UNC5D: variants seen among roughly 807,000 people sequenced by gnomAD.
The protein encoded by UNC5D is netrin receptor UNC5D.
A neutral mutation model predicts 105.4 loss-of-function variants in UNC5D; 39 were observed. The ratio of observed to expected loss-of-function variants is 0.37; its 90% CI spans 0.29 to 0.48. UNC5D has a LOEUF of 0.48. UNC5D is among the 20% of genes least tolerant of loss of function. UNC5D has a pLI of 0.98. For missense variants in UNC5D, 991 were observed against 1,202.4 expected, an observed-to-expected ratio of 0.82 and a Z score of 2.60; for synonymous variants, 452 against 450.4, an observed-to-expected ratio of 1.00 and a Z score of -0.04.
At position 35,769,456 on chromosome 8, in the gene UNC5D, A is replaced by G. The variant is rs112012672; in HGVS notation, c.2478+2390A>G. Among the ~76,000 whole-genome samples the G allele has an allele frequency of 5.9e-5, 9 of 152,310 alleles. 1 individual carries two copies. Among genetic ancestry groups the G allele is most frequent in the African/African-American group, 2.2e-4 (9 of 41,578 alleles). On this transcript the variant is annotated intron_variant, in intron 15 of 16. Coordinates refer to ENST00000404895, the MANE Select transcript of UNC5D (RefSeq NM_080872.4). ...TTTGTCTTCCAGTACCTGAAAGTAT[A>G]TGAAAACTGGGAAGTTCTTTCTTCA...
At chr8:35,564,586 T>C (rs1817198592) in intron 2 of UNC5D, among the ~76,000 whole-genome samples, 1 of 152,188 alleles carries the variant, frequency 6.6e-6, no homozygotes, top group African/African-American at 2.4e-5. Context: ...CCAGCTTGCT[T>C]TCTGTCCTAA....
Position 35,287,820 on chromosome 8 carries a change from T to TAATA in UNC5D, c.103+51950_103+51953dup, listed in dbSNP as rs917197431. Among the ~76,000 whole-genome samples the TAATA allele has an allele frequency of 1.4e-4, 21 of 151,680 alleles. No homozygotes were observed. In the East Asian group the frequency reaches 1.9e-3, roughly 14 times the overall value. On this transcript the variant is annotated intron_variant, in intron 1 of 16. Coordinates refer to ENST00000404895, the MANE Select transcript of UNC5D (RefSeq NM_080872.4). ...CCCTGTCTCAAAAAAAATGACTAAA[T>TAATA]AATAAATAAATAAATAAATATACTT... is the stretch of plus-strand genomic sequence containing the variant.
chr8:35,569,892 C>T (rs1373464266), intron 3 of UNC5D, among the ~76,000 whole-genome samples: 1 of 151,470 alleles, frequency 6.6e-6, no homozygotes, highest in Non-Finnish European at 1.5e-5. Context: ...CTCACTTTTT[C>T]CTTTCCTGTT....
chr8:35,758,598 A>G (rs1254008696), intron 13 of UNC5D, among the ~76,000 whole-genome samples: 1 of 152,112 alleles, frequency 6.6e-6, no homozygotes, highest in Non-Finnish European at 1.5e-5. Flanking sequence ...TAATGCCACA[A>G]ATTTGGAACC....
Position 35,686,519 on chromosome 8 carries a change from A to G in UNC5D, c.920-26A>G, listed in dbSNP as rs780667568. ...GACCGCTACTTGATTCATTCTAACA[A>G]TGGTTTCTTTTGTTTCCCTTTGAAG... On this transcript the variant is annotated intron_variant, in intron 6 of 16. Coordinates refer to ENST00000404895, the MANE Select transcript of UNC5D (RefSeq NM_080872.4). The G allele has an allele frequency of 1.0e-5, 16 of 1,535,902 alleles. No individual in the cohort carries two copies. The East Asian group carries it at 1.5e-4, about 14-fold the overall frequency.
At chr8:35,416,368 T>C (rs1468913322) in intron 1 of UNC5D, among the ~76,000 whole-genome samples, 1 of 152,128 alleles carries the variant, frequency 6.6e-6, no homozygotes, top group Non-Finnish European at 1.5e-5. Flanking sequence ...GAAAGAAAAG[T>C]TCACGTTGTA....
At chr8:35,540,246 T>C (rs553898046) in intron 1 of UNC5D, among the ~76,000 whole-genome samples, 84 of 152,334 alleles carry the variant, frequency 5.5e-4, no homozygotes, top group African/African-American at 1.9e-3. Flanking sequence ...CTCAGCAAGA[T>C]ATTCTTTTTT....
At chr8:35,411,226 A>T (rs1204460402) in intron 1 of UNC5D, among the ~76,000 whole-genome samples, 1 of 152,070 alleles carries the variant, frequency 6.6e-6, no homozygotes, top group Non-Finnish European at 1.5e-5. Flanking sequence ...CTTTGTTTTT[A>T]TCTTGGTGTA....
intron 1 of UNC5D, among the ~76,000 whole-genome samples, chr8:35,534,440 A>G (rs989051850): frequency 9.2e-5 from 14 of 152,044 alleles, no homozygotes; most frequent in African/African-American, 3.4e-4. Flanking sequence ...GACATCCACT[A>G]TAAACACTGT....
At chr8:35,326,888 A>G (rs571174257) in intron 1 of UNC5D, among the ~76,000 whole-genome samples, 1 of 152,166 alleles carries the variant, frequency 6.6e-6, no homozygotes, top group Non-Finnish European at 1.5e-5. Context: ...GGGCCTCTGG[A>G]TGTTGGCAAA....
intron 1 of UNC5D, among the ~76,000 whole-genome samples, chr8:35,299,621 A>G (rs1807772419): frequency 1.3e-5 from 2 of 152,232 alleles, no homozygotes; most frequent in South Asian, 2.1e-4. Flanking sequence ...TAGGTGATAC[A>G]TAACAAGACC....
chr8:35,295,580 A>C (rs1807420802), intron 1 of UNC5D, among the ~76,000 whole-genome samples: 1 of 152,224 alleles, frequency 6.6e-6, no homozygotes. Context: ...TTTCAGGAGC[A>C]CAAAGTGATT....
At chr8:35,351,452 G>C (rs540537630) in intron 1 of UNC5D, among the ~76,000 whole-genome samples, 1 of 152,056 alleles carries the variant, frequency 6.6e-6, no homozygotes, top group Admixed American at 6.6e-5. Context: ...GAACAATGCA[G>C]TTTAAATAAT....
Position 35,757,616 on chromosome 8 carries a change from A to T in UNC5D, c.2164-1704A>T, listed in dbSNP as rs542078496. Among the ~76,000 whole-genome samples, 25 of 152,138 alleles carry T rather than the reference A, an allele frequency of 1.6e-4. No homozygotes were observed. The South Asian group carries it at 3.9e-3, about 24-fold the overall frequency. ...TATTAGAACAATGCCTAGTGTCCAG[A>T]CCCTTTCACAACATTGTAAGTTTCC... On this transcript the variant is annotated intron_variant, in intron 13 of 16. Transcript: ENST00000404895.
intron 3 of UNC5D, 34 bp downstream of exon 3, chr8:35,568,275 A>T: frequency 6.2e-7 from 1 of 1,607,950 alleles, no homozygotes; most frequent in Non-Finnish European, 8.5e-7. Flanking sequence ...GTCTTGTAGG[A>T]CCACAAATGA....
chr8:35,553,299 G>A (rs1259154959), intron 2 of UNC5D, among the ~76,000 whole-genome samples: 2 of 151,348 alleles, frequency 1.3e-5, no homozygotes, highest in African/African-American at 4.9e-5. Flanking sequence ...CATGTGGATA[G>A]CGTTTTTTAT....
intron 1 of UNC5D, among the ~76,000 whole-genome samples, chr8:35,406,690 G>A (rs987116293): frequency 3.9e-5 from 6 of 152,152 alleles, no homozygotes; most frequent in African/African-American, 1.2e-4. Context: ...GCTTCCCTGG[G>A]GCTCTGATAC....
chr8:35,493,565 A>G (rs1005947875), intron 1 of UNC5D, among the ~76,000 whole-genome samples: 1 of 152,134 alleles, frequency 6.6e-6, no homozygotes, highest in Non-Finnish European at 1.5e-5. Context: ...AGATGGCTTT[A>G]GGTTGTTTCT....
At chr8:35,329,743 A>G (rs1237976703) in intron 1 of UNC5D, among the ~76,000 whole-genome samples, 1 of 152,122 alleles carries the variant, frequency 6.6e-6, no homozygotes, top group Non-Finnish European at 1.5e-5. Context: ...ACCTAACCAG[A>G]GTTTATGGCT....
Sources: gnomAD v4.1 joint callset for allele counts (sites outside exome capture counted in the v4.1 genomes callset) on GRCh38, gnomAD v4.1.1 for gene constraint, MANE v1.5 for transcripts, NCBI Gene and HGNC (gene_info 2026-07-23, HGNC 2026-07-21) for gene names.